Variants in CAMTA1 observed in about 807,000 individuals in gnomAD.
The protein encoded by CAMTA1 is calmodulin binding transcription activator 1.
CAMTA1 carries 27 observed loss-of-function variants against 170.9 expected under a neutral mutation model. The ratio of observed to expected loss-of-function variants is 0.16; its 90% CI spans 0.12 to 0.22. The LOEUF is 0.22. CAMTA1 is among the 10% of genes least tolerant of loss of function. The pLI, the probability that CAMTA1 is intolerant of heterozygous loss-of-function variation, is 1.00. For missense variants in CAMTA1, 1,619 were observed against 2,217.2 expected (o/e 0.73, Z 5.42); for synonymous variants, 833 against 891.5 (o/e 0.93, Z 1.17).
At chr1:7,068,268 C>T (rs1048624546) in intron 3 of CAMTA1, among the ~76,000 whole-genome samples, 4 of 151,904 alleles carry the variant, frequency 2.6e-5, no homozygotes, top group East Asian at 3.9e-4. Flanking sequence ...TACACAAGTA[C>T]GTTCTTTTCT....
At chr1:6,829,701 C>T (rs1489812753) in intron 3 of CAMTA1, among the ~76,000 whole-genome samples, 1 of 152,194 alleles carries the variant, frequency 6.6e-6, no homozygotes, top group Non-Finnish European at 1.5e-5. Context: ...ACTAATGTAC[C>T]CGCAGTCAGA....
chr1:7,273,189 G>A (rs1162072522), intron 5 of CAMTA1, among the ~76,000 whole-genome samples: 1 of 152,122 alleles, frequency 6.6e-6, no homozygotes, highest in East Asian at 1.9e-4. Flanking sequence ...AAACATTCTG[G>A]CAGTTCCTCA....
intron 1 of CAMTA1, among the ~76,000 whole-genome samples, chr1:6,811,595 G>C (rs1166069388): frequency 6.6e-6 from 1 of 152,112 alleles, no homozygotes; most frequent in African/African-American, 2.4e-5. Flanking sequence ...CTGATCTCTG[G>C]GCTTGGCAAC....
chr1:7,351,887 C>T (rs2084702361), intron 5 of CAMTA1, among the ~76,000 whole-genome samples: 1 of 152,166 alleles, frequency 6.6e-6, no homozygotes, highest in Admixed American at 6.5e-5. Context: ...GAGCCTCCGA[C>T]CAAGAGGAAG....
chr1:7,515,629 C>T lies in CAMTA1; in HGVS notation c.510+47728C>T, dbSNP rs535510618. ...TCTCCCTACACCCTATTCCACCCCCCGGGCAGCTCATCTCGGAGCGAGAGG... is the reference window on the plus strand; with the variant it reads ...TCTCCCTACACCCTATTCCACCCCCTGGGCAGCTCATCTCGGAGCGAGAGG... On this transcript the variant is annotated intron_variant, in intron 6 of 22. Coordinates refer to ENST00000303635, the MANE Select transcript of CAMTA1 (RefSeq NM_015215.4). 2.8e-3 allele frequency among the ~76,000 whole-genome samples: 421 copies of T among 152,244 alleles called. 2 individuals carry two copies. Among genetic ancestry groups the T allele is most frequent in the African/African-American group, 9.7e-3 (405 of 41,542 alleles).
In CAMTA1 at chr1:7,682,688, G is replaced by T. The variant is rs2096220045; in HGVS notation, c.2914+4955G>T. On this transcript the variant is annotated intron_variant, in intron 11 of 22. Transcript: ENST00000303635. This position sits in a 1 kb window ranked among gnomAD's most constrained non-coding sequence, Gnocchi z 5.0. ...ACAGTGGGAAAGGCCATTCTAGCTG[G>T]GACACTGGTCCCTGGGAGGCCTCTG... 6.6e-6 allele frequency among the ~76,000 whole-genome samples: 1 copy of T among 152,202 alleles called. No individual in the cohort carries two copies. The highest frequency in any genetic ancestry group is 2.4e-5 in the African/African-American group (1 of 41,458).
chr1:7,609,455 G>A lies in CAMTA1; in HGVS notation c.511-30945G>A, dbSNP rs1557998206. On this transcript the variant is annotated intron_variant, in intron 6 of 22. Transcript: ENST00000303635. The surrounding 1 kb of genome is among the most constrained non-coding windows in gnomAD (Gnocchi z 4.4). ...TAACAGCAAATCAAAGCCCCTCAGTGAGGGCAGCAGAGCAGCAGCCAGAAG... is the reference window on the plus strand; with the variant it reads ...TAACAGCAAATCAAAGCCCCTCAGTAAGGGCAGCAGAGCAGCAGCCAGAAG... Among the ~76,000 whole-genome samples the A allele has an allele frequency of 6.6e-6, 1 of 152,170 alleles. No individual in the cohort carries two copies. Among genetic ancestry groups the A allele is most frequent in the Admixed American group, 6.5e-5 (1 of 15,290 alleles).
chr1:7,076,684 T>G (rs1412614539), intron 3 of CAMTA1, among the ~76,000 whole-genome samples: 1 of 152,066 alleles, frequency 6.6e-6, no homozygotes, highest in African/African-American at 2.4e-5. Context: ...GCGTGATTGA[T>G]TAATAATATG....
chr1:7,131,159 G>A (rs1010384597), intron 4 of CAMTA1, among the ~76,000 whole-genome samples: 6 of 151,994 alleles, frequency 3.9e-5, no homozygotes, highest in Non-Finnish European at 7.4e-5. Context: ...TCACCATGTT[G>A]GCGAGGATGG....
chr1:7,363,442 G>A (rs918567374), intron 5 of CAMTA1, among the ~76,000 whole-genome samples: 2 of 152,068 alleles, frequency 1.3e-5, no homozygotes, highest in East Asian at 1.9e-4. Flanking sequence ...ATGGAGGAAT[G>A]ATCTGGGGGT....
rs569597459 is a variant in CAMTA1, at chr1:7,135,923, T to A, written c.302+44552T>A. 2.0e-5 allele frequency among the ~76,000 whole-genome samples: 3 copies of A among 152,326 alleles called. No homozygotes were observed. In the East Asian group the frequency reaches 5.8e-4, roughly 29 times the overall value. ...ACCCAATAAAAGATGATTTCTTGCT[T>A]GTGCCAAATCCAATACACCTCTATG... is the stretch of plus-strand genomic sequence containing the variant. On this transcript the variant is annotated intron_variant, in intron 4 of 22. Coordinates refer to ENST00000303635, the MANE Select transcript of CAMTA1 (RefSeq NM_015215.4).
chr1:7,453,170 C>T (rs753654138), intron 5 of CAMTA1, among the ~76,000 whole-genome samples: 5 of 152,250 alleles, frequency 3.3e-5, no homozygotes, highest in Non-Finnish European at 7.3e-5. Flanking sequence ...TTGGCTTCGT[C>T]CCTGAAGCAT....
At chr1:7,102,019 ACACAAC>A (rs1642783243) in intron 4 of CAMTA1, among the ~76,000 whole-genome samples, 1 of 135,432 alleles carries the variant, frequency 7.4e-6, no homozygotes, top group South Asian at 2.5e-4. Flanking sequence ...ATGCATAAAT[ACACAAC>A]ACACACACAC....
intron 7 of CAMTA1, among the ~76,000 whole-genome samples, chr1:7,657,416 G>C (rs2095913986): frequency 6.6e-6 from 1 of 152,140 alleles, no homozygotes; most frequent in Admixed American, 6.5e-5. Flanking sequence ...GGACAGATGT[G>C]ACCCAGAGCC....
chr1:6,836,290 A>G (rs1653073686), intron 3 of CAMTA1, among the ~76,000 whole-genome samples: 1 of 152,236 alleles, frequency 6.6e-6, no homozygotes, highest in South Asian at 2.1e-4. Context: ...TTCTAGATGG[A>G]TGAGAAACCA....
At chr1:6,844,126 GAAAC>G (rs1385274084) in intron 3 of CAMTA1, among the ~76,000 whole-genome samples, 4 of 152,186 alleles carry the variant, frequency 2.6e-5, no homozygotes, top group African/African-American at 9.7e-5. Flanking sequence ...TTGAGAGAAA[GAAAC>G]CAGACACTCA....
At chr1:7,394,900 G>C (rs1023772180) in intron 5 of CAMTA1, among the ~76,000 whole-genome samples, 5 of 132,054 alleles carry the variant, frequency 3.8e-5, no homozygotes, top group Non-Finnish European at 8.1e-5. Context: ...TTTGTTTTCT[G>C]AGATGGAGTT....
chr1:7,581,325 T>TC (rs1283608684), intron 6 of CAMTA1, among the ~76,000 whole-genome samples: 2 of 152,250 alleles, frequency 1.3e-5, no homozygotes, highest in Admixed American at 1.3e-4. Flanking sequence ...AGCAACAGTG[T>TC]CCGTTCTCTC....
At chr1:6,889,691 A>G (rs971037030) in intron 3 of CAMTA1, among the ~76,000 whole-genome samples, 2 of 152,198 alleles carry the variant, frequency 1.3e-5, no homozygotes, top group Non-Finnish European at 2.9e-5. Context: ...CAAAGGAGAA[A>G]TCAGCATGTT....
Sources: gnomAD v4.1 joint callset for allele counts (sites outside exome capture counted in the v4.1 genomes callset) on GRCh38, gnomAD v4.1.1 for gene constraint, Gnocchi (gnomAD v3.1) non-coding constraint, MANE v1.5 for transcripts, NCBI Gene and HGNC (gene_info 2026-07-23, HGNC 2026-07-21) for gene names.